FBXO9: variants seen among roughly 807,000 people sequenced by gnomAD.
FBXO9 encodes F-box protein 9.
A neutral mutation model predicts 63.7 loss-of-function variants in FBXO9; 43 were observed. That is an observed-to-expected ratio of 0.67 (90% CI 0.53 to 0.87). The LOEUF (loss-of-function observed/expected upper bound fraction) is 0.87, where lower values mean the gene tolerates loss of function less well. Among genes scored for constraint, FBXO9 ranks in the 40% least tolerant of loss-of-function variants. The pLI is 0.00. For synonymous variants in FBXO9, 156 were observed against 171.7 expected (o/e 0.91, Z 0.72); for missense variants, 442 against 533.2 (o/e 0.83, Z 1.68).
rs150256532 is a variant in FBXO9 at position 53,072,751 on chromosome 6, G to A, written c.91-730G>A. 1.0e-4 allele frequency among the ~76,000 whole-genome samples: 15 copies of A among 149,536 alleles called. No homozygotes were observed. The East Asian group carries it at 2.0e-3, about 20-fold the overall frequency. On this transcript the variant is annotated intron_variant, in intron 2 of 12. Transcript: ENST00000323557. ...TTTTTTTTTTTTGAGATGGAGTCTC[G>A]CTCCATTGCCCAGGCTGGAGTGCAG...
At chr6:53,093,142 G>C (rs1038497487) in intron 9 of FBXO9, 1 of 387,274 alleles carries the variant, frequency 2.6e-6, no homozygotes, top group Admixed American at 4.1e-5. Flanking sequence ...CATGTTAACC[G>C]TTGTGTGTGG....
At position 53,100,283 on chromosome 6, in the gene FBXO9, T is replaced by C. The variant is rs1212380755; in HGVS notation, c.*2453T>C. ...CGTAGAAACTTTTTAACTTCAGGAG[T>C]GTCCTTCCTTTGCTCTATTAGGACA... On this transcript the variant is annotated 3_prime_UTR_variant, in exon 13 of 13. Coordinates refer to ENST00000323557, the MANE Select transcript of FBXO9 (RefSeq NM_033480.3). 1 of 152,176 alleles carries C rather than the reference T, an allele frequency of 6.6e-6. No homozygotes were observed. Among genetic ancestry groups the C allele is most frequent in the Non-Finnish European group, 1.5e-5 (1 of 68,028 alleles). The allele number at this position is 152,176 out of a possible 1,614,324, so 9.4% of individuals were successfully genotyped here.
intron 5 of FBXO9, among the ~76,000 whole-genome samples, chr6:53,079,321 T>C (rs1769230215): frequency 6.6e-6 from 1 of 152,166 alleles, no homozygotes; most frequent in African/African-American, 2.4e-5. Context: ...TCCTTACGTA[T>C]ATGTTTGAAA....
intron 7 of FBXO9, 83 bp downstream of exon 7, chr6:53,082,701 T>C (rs1769354876): frequency 4.2e-6 from 4 of 946,878 alleles, no homozygotes; most frequent in Admixed American, 2.4e-5. Context: ...CTGATAAAAT[T>C]ACTTGATTGG....
chr6:53,077,298 C>A (rs1194427916), intron 4 of FBXO9, among the ~76,000 whole-genome samples: 1 of 151,506 alleles, frequency 6.6e-6, no homozygotes, highest in Non-Finnish European at 1.5e-5. Flanking sequence ...AACGGTGAAA[C>A]CCCGTCTCTA....
chr6:53,077,705 A>G (rs1341969278), intron 4 of FBXO9, among the ~76,000 whole-genome samples: 1 of 152,186 alleles, frequency 6.6e-6, no homozygotes, highest in Non-Finnish European at 1.5e-5. Context: ...ATTCAGAGTT[A>G]CTGCATTTAT....
chr6:53,083,516 T>G (rs1769379767), intron 7 of FBXO9, among the ~76,000 whole-genome samples: 1 of 152,196 alleles, frequency 6.6e-6, no homozygotes, highest in Non-Finnish European at 1.5e-5. Context: ...AAGGAAAAAA[T>G]GAGGATTACA....
intron 1 of FBXO9, 89 bp from the exon 2 acceptor site, chr6:53,070,968 A>C (rs1768895140): frequency 6.5e-7 from 1 of 1,540,794 alleles, no homozygotes; most frequent in Non-Finnish European, 8.8e-7. Flanking sequence ...TATGGTACTA[A>C]ATAGAAAGTG....
intron 7 of FBXO9, among the ~76,000 whole-genome samples, chr6:53,084,694 G>A (rs1351787417): frequency 2.0e-5 from 3 of 152,168 alleles, no homozygotes; most frequent in Non-Finnish European, 2.9e-5. Flanking sequence ...TTTAGTTGGC[G>A]TGTTGTAGTC....
At chr6:53,072,219 T>A (rs316125) in intron 2 of FBXO9, among the ~76,000 whole-genome samples, 93,044 of 148,604 alleles carry the variant, frequency 0.63, 29,293 homozygotes, top group East Asian at 0.81. Flanking sequence ...ACGTCTTTTT[T>A]TAAAAAAAAA....
In FBXO9 at chr6:53,097,747, G is replaced by A. The variant is rs893013779; in HGVS notation, c.1231G>A (p.Ala411Thr). 1 of 1,604,446 alleles carries A rather than the reference G, an allele frequency of 6.2e-7. No homozygotes were observed. Among genetic ancestry groups the A allele is most frequent in the Non-Finnish European group, 8.5e-7 (1 of 1,174,666 alleles). ...ATCAACTGGTGAGACTGCAGTCAGT[G>A]CTTTTGAGATTGACAAGATGTACAC... ...YKSTGETAVSAFEIDKMYTPL... is the reference protein window; with the variant it reads ...YKSTGETAVSTFEIDKMYTPL... Residue 411 changes from alanine to threonine, a missense_variant, in exon 13 of 13, where the codon GCT becomes ACT. This residue lies in a region of FBXO9 where 262 missense variants were observed against 362.1 expected (regional missense o/e 0.72). Transcript: ENST00000323557.
intron 5 of FBXO9, among the ~76,000 whole-genome samples, chr6:53,080,452 C>T (rs1769272431): frequency 1.3e-5 from 2 of 152,076 alleles, no homozygotes; most frequent in South Asian, 4.1e-4. Flanking sequence ...GCACCATTCA[C>T]TACACATTTG....
intron 2 of FBXO9, 51 bp from the exon 3 acceptor site, chr6:53,073,430 G>A: frequency 6.5e-7 from 1 of 1,534,998 alleles, no homozygotes; most frequent in South Asian, 1.2e-5. Flanking sequence ...CATTGTTCCA[G>A]AGTTGAGCTA....
Position 53,076,466 on chromosome 6 carries a change from T to C in FBXO9, c.250-20T>C. 1 of 1,504,110 alleles carries C rather than the reference T, an allele frequency of 6.6e-7. No homozygotes were observed. The highest frequency in any genetic ancestry group is 8.8e-7 in the Non-Finnish European group (1 of 1,130,034). The allele number at this position is 1,504,110 out of a possible 1,614,324, so 93.2% of individuals were successfully genotyped here. A position where few individuals can be genotyped will look rare whatever the true frequency, so the allele number is the denominator to read the frequency against. On this transcript the variant is annotated intron_variant, in intron 3 of 12. Coordinates refer to ENST00000323557, the MANE Select transcript of FBXO9 (RefSeq NM_033480.3). ...TTTTTAATGCAGGTTTTCAAAAATT[T>C]TTACTTTATATTTTTATAGGCTCGA...
intron 1 of FBXO9, among the ~76,000 whole-genome samples, chr6:53,070,283 G>T (rs747178805): frequency 6.6e-6 from 1 of 151,938 alleles, no homozygotes; most frequent in Non-Finnish European, 1.5e-5. Flanking sequence ...GCCTCACAAA[G>T]TGTGGGGATT....
At chr6:53,070,551 AAAT>A (rs1768877730) in intron 1 of FBXO9, among the ~76,000 whole-genome samples, 1 of 152,196 alleles carries the variant, frequency 6.6e-6, no homozygotes, top group African/African-American at 2.4e-5. Context: ...CAACAATAAA[AAAT>A]AATACAAATT....
upstream of FBXO9, chr6:53,065,312 CA>C (rs1304944066): frequency 1.3e-5 from 2 of 155,710 alleles, no homozygotes; most frequent in African/African-American, 4.8e-5. Context: ...CAGGCGCGCG[CA>C]CACAGTAGGT....
chr6:53,094,281 C>T (rs1376772187), intron 11 of FBXO9, among the ~76,000 whole-genome samples: 1 of 152,116 alleles, frequency 6.6e-6, no homozygotes, highest in African/African-American at 2.4e-5. Flanking sequence ...TTTGGCTCTG[C>T]TCATGTCGAA....
intron 3 of FBXO9, 103 bp from the exon 4 acceptor site, chr6:53,076,383 A>G: frequency 1.4e-6 from 1 of 699,214 alleles, no homozygotes; most frequent in Non-Finnish European, 2.4e-6. Context: ...TTGCCTATGA[A>G]TATCCAGTTA....
Sources: gnomAD v4.1 joint callset for allele counts (sites outside exome capture counted in the v4.1 genomes callset) on GRCh38, gnomAD v4.1.1 for gene constraint, gnomAD v4.1.1 regional missense constraint, MANE v1.5 for transcripts, NCBI Gene and HGNC (gene_info 2026-07-23, HGNC 2026-07-21) for gene names.